TNXB: variants seen among roughly 807,000 people sequenced by gnomAD.
TNXB encodes the protein tenascin-X.
Under a neutral mutation model 340.5 loss-of-function variants are expected in TNXB, and 183 were observed. The ratio of observed to expected loss-of-function variants is 0.54; its 90% CI spans 0.48 to 0.61. The LOEUF (loss-of-function observed/expected upper bound fraction) is 0.61. Ranked by LOEUF, TNXB falls within the 20% of genes least tolerant of loss-of-function variation. The pLI is 0.00. For synonymous variants in TNXB, 2,121 were observed against 2,314.5 expected (o/e 0.92, Z 2.40); for missense variants, 4,613 against 5,446.4 (o/e 0.85, Z 4.82).
At chr6:32,077,843 A>G (rs1779164300) in intron 11 of TNXB, among the ~76,000 whole-genome samples, 1 of 152,168 alleles carries the variant, frequency 6.6e-6, no homozygotes, top group African/African-American at 2.4e-5. Flanking sequence ...CCTGGCTGAC[A>G]TGGTAAAACC....
rs1438679548 is a variant in TNXB at position 32,046,671 on chromosome 6, T to TCCTGC, written c.10325-220_10325-216dup. ...TCTGGAGGCTGCTGCCCAAACTCCT[T>TCCTGC]CCTGCCCCGCCCCTTCCCTGCTGTG... is the stretch of plus-strand genomic sequence containing the variant. On this transcript the variant is annotated intron_variant, in intron 30 of 43. Transcript: ENST00000644971. This position sits in a 1 kb window ranked among gnomAD's most constrained non-coding sequence, Gnocchi z 6.9. 1 of 474,066 alleles carries TCCTGC rather than the reference T, an allele frequency of 2.1e-6. No individual in the cohort carries two copies. Among genetic ancestry groups the TCCTGC allele is most frequent in the African/African-American group, 1.9e-5 (1 of 52,346 alleles). 29.4% of individuals were successfully genotyped at this position (474,066 alleles called of 1,614,324 possible). A position where few individuals can be genotyped will look rare whatever the true frequency, so the allele number is the denominator to read the frequency against.
Position 32,085,709 on chromosome 6 carries a change from C to T in TNXB, c.3148+41G>A, listed in dbSNP as rs1261301688. ...AGTCCCAATAACCCCAGCTCCTCCC[C>T]CAATCTCAGGATATTGATCTGAGCA... is the stretch of plus-strand genomic sequence containing the variant. On this transcript the variant is annotated intron_variant, in intron 7 of 43. Coordinates refer to ENST00000644971, the MANE Select transcript of TNXB (RefSeq NM_001365276.2). The surrounding 1 kb of genome is among the most constrained non-coding windows in gnomAD (Gnocchi z 6.4). The T allele has an allele frequency of 2.7e-6, 4 of 1,491,138 alleles. No homozygotes were observed. Among genetic ancestry groups the T allele is most frequent in the Non-Finnish European group, 3.6e-6 (4 of 1,120,518 alleles). The allele number at this position is 1,491,138 out of a possible 1,614,324, so 92.4% of individuals were successfully genotyped here. A position where few individuals can be genotyped will look rare whatever the true frequency, so the allele number is the denominator to read the frequency against.
Position 32,079,421 on chromosome 6 carries a change from G to A in TNXB, c.4043-56C>T. 3 of 1,407,994 alleles carry A rather than the reference G, an allele frequency of 2.1e-6. No individual in the cohort carries two copies. Among genetic ancestry groups the A allele is most frequent in the South Asian group, 2.7e-5 (2 of 74,834 alleles). The allele number at this position is 1,407,994 out of a possible 1,614,324, so 87.2% of individuals were successfully genotyped here. ...GCTGGCTTTGCTGCTGCTGCCCACA[G>A]ATGACAGCCATGGAAATGCCCTTAC... On this transcript the variant is annotated intron_variant, in intron 10 of 43. Coordinates refer to ENST00000644971, the MANE Select transcript of TNXB (RefSeq NM_001365276.2). This position sits in a 1 kb window ranked among gnomAD's most constrained non-coding sequence, Gnocchi z 7.1.
Position 32,062,986 on chromosome 6 carries a change from C to T in TNXB, c.6842-503G>A, listed in dbSNP as rs550092364. ...AGGAGAATGGCATGAACCCAGGAGGCGGAGCTTGCGGTGAGCCAAGATCAC... is the reference window on the plus strand; with the variant it reads ...AGGAGAATGGCATGAACCCAGGAGGTGGAGCTTGCGGTGAGCCAAGATCAC... On this transcript the variant is annotated intron_variant, in intron 19 of 43. Transcript: ENST00000644971. This position sits in a 1 kb window ranked among gnomAD's most constrained non-coding sequence, Gnocchi z 4.3. Among the ~76,000 whole-genome samples the T allele has an allele frequency of 2.6e-5, 4 of 152,142 alleles. No individual in the cohort carries two copies. In the South Asian group the frequency reaches 8.3e-4, roughly 32 times the overall value.
chr6:32,084,443 G>A lies in TNXB; in HGVS notation c.3415C>T (p.His1139Tyr). ...VLYGFVGKKR[H>Y]GPLVAEAKIL... ...TTGGCTTCAGCCACCAGCGGACCATGCCTCTTCTTGCCAACAAACCCATAC... is the reference window on the plus strand; with the variant it reads ...TTGGCTTCAGCCACCAGCGGACCATACCTCTTCTTGCCAACAAACCCATAC... The change falls in exon 8 of 44, where the codon CAT becomes TAT. Residue 1139 changes from histidine to tyrosine, a missense_variant. Around this residue, in one of 7 missense-constraint regions of TNXB, gnomAD observed 4,327 missense variants for 4,859.4 expected, o/e 0.89. Coordinates refer to ENST00000644971, the MANE Select transcript of TNXB (RefSeq NM_001365276.2). This position sits in a 1 kb window ranked among gnomAD's most constrained non-coding sequence, Gnocchi z 5.5. 1 of 1,596,968 alleles carries A rather than the reference G, an allele frequency of 6.3e-7. No homozygotes were observed. Among genetic ancestry groups the A allele is most frequent in the South Asian group, 1.1e-5 (1 of 89,486 alleles).
At position 32,073,666 on chromosome 6, in the gene TNXB, C is replaced by G. The variant is rs777892114; in HGVS notation, c.4662G>C (p.Leu1554=). The part of the protein sequence containing the change: ...GLHDGQRMGP[L]SVVIVTAPLP... ...ACTCACCCGTCACGATGACCACAGA[C>G]AGGGGGCCCATGCGTTGCCCATCAT... Residue 1554 remains leucine, a synonymous_variant, in exon 12 of 44, where the codon CTG becomes CTC. Transcript: ENST00000644971. The surrounding 1 kb of genome is among the most constrained non-coding windows in gnomAD (Gnocchi z 4.6). 39 of 1,608,416 alleles carry G rather than the reference C, an allele frequency of 2.4e-5. No homozygotes were observed. Among genetic ancestry groups the G allele is most frequent in the Non-Finnish European group, 3.2e-5 (38 of 1,177,728 alleles).
intron 23 of TNXB, 134 bp from the exon 24 acceptor site, chr6:32,056,308 G>A: frequency 8.0e-7 from 1 of 1,248,220 alleles, no homozygotes; most frequent in Non-Finnish European, 1.1e-6. Flanking sequence ...TTGGGGCTGG[G>A]TGGTCCTGCT....
intron 1 of TNXB, among the ~76,000 whole-genome samples, chr6:32,103,876 C>A (rs1780848925): frequency 6.6e-6 from 1 of 151,990 alleles, no homozygotes; most frequent in Admixed American, 6.6e-5. Context: ...GGACTACAGG[C>A]ACCCGCTACC....
chr6:32,103,196 G>A (rs1369087447), intron 1 of TNXB, among the ~76,000 whole-genome samples: 5 of 151,856 alleles, frequency 3.3e-5, no homozygotes, highest in East Asian at 1.9e-4. Flanking sequence ...CAAGGTAGGC[G>A]GATCACTTGA....
In TNXB at chr6:32,056,011, C is replaced by T. The variant is rs767611972; in HGVS notation, c.8307G>A (p.Gln2769=). ...PQGHFDSFTV[Q]YKDRDGRPQV... ...GGGGCCGCCCGTCCCTGTCCTTGTA[C>T]TGCACGGTGAAGGAGTCGAAGTGGC... Residue 2769 remains glutamine (Q), a synonymous_variant, in exon 24 of 44, where the codon CAG becomes CAA. Transcript: ENST00000644971. 2 of 1,613,266 alleles carry T rather than the reference C, an allele frequency of 1.2e-6. No individual in the cohort carries two copies. Among genetic ancestry groups the T allele is most frequent in the Non-Finnish European group, 1.7e-6 (2 of 1,179,898 alleles).
chr6:32,096,118 C>A lies in TNXB; in HGVS notation c.1735G>T (p.Gly579Cys). ...CLDGRCVCEDGYSGEDCGVRQ... is the reference protein window; with the variant it reads ...CLDGRCVCEDCYSGEDCGVRQ... ...ACACCGCAATCCTCGCCAGAGTAGC[C>A]GTCCTCGCACACACACCGCCCATCT... Residue 579 changes from glycine to cysteine, a missense_variant, in exon 3 of 44, where the codon GGC becomes TGC. By Grantham distance (159) the Gly-to-Cys change is radical. This residue lies in a region of TNXB where 4,327 missense variants were observed against 4,859.4 expected (regional missense o/e 0.89). Transcript: ENST00000644971. The A allele has an allele frequency of 1.2e-6, 2 of 1,605,018 alleles. No homozygotes were observed. The highest frequency in any genetic ancestry group is 2.2e-5 in the South Asian group (2 of 89,370).
chr6:32,089,445 A>G lies in TNXB; in HGVS notation c.2359-66T>C. 6.5e-7 allele frequency: 1 copy of G among 1,530,056 alleles called. No homozygotes were observed. Among genetic ancestry groups the G allele is most frequent in the Non-Finnish European group, 8.8e-7 (1 of 1,136,574 alleles). 94.8% of individuals were successfully genotyped at this position (1,530,056 alleles called of 1,614,324 possible). A position where few individuals can be genotyped will look rare whatever the true frequency, so the allele number is the denominator to read the frequency against. ...TTGCCTCTGCTGCTCAATCCCCCTT[A>G]TCTCTTCTTTCTCCAATTCTAAACA... On this transcript the variant is annotated intron_variant, in intron 4 of 43. Coordinates refer to ENST00000644971, the MANE Select transcript of TNXB (RefSeq NM_001365276.2). The surrounding 1 kb of genome is among the most constrained non-coding windows in gnomAD (Gnocchi z 6.2).
In TNXB at chr6:32,053,490, C is replaced by A. The variant is rs1056246867; in HGVS notation, c.8689G>T (p.Val2897Phe). 1 of 1,613,446 alleles carries A rather than the reference C, an allele frequency of 6.2e-7. No homozygotes were observed. Among genetic ancestry groups the A allele is most frequent in the Non-Finnish European group, 8.5e-7 (1 of 1,179,884 alleles). Reference sequence around the variant, plus strand: ...TCTGGCTCCAGGCCTGAGATGGTGACCCCGTCCTCGTGCCCCGGCACCCGC... The same window carrying A: ...TCTGGCTCCAGGCCTGAGATGGTGAACCCGTCCTCGTGCCCCGGCACCCGC... ...VVRVPGHEDG[V>F]TISGLEPDHK... The change falls in exon 25 of 44, where the codon GTC becomes TTC. Residue 2897 changes from valine (V) to phenylalanine (F), a missense_variant. This residue lies in a region of TNXB where 4,327 missense variants were observed against 4,859.4 expected (regional missense o/e 0.89). Transcript: ENST00000644971.
Position 32,047,662 on chromosome 6 carries a change from G to C in TNXB, c.10324+72C>G. On this transcript the variant is annotated intron_variant, in intron 30 of 43. Coordinates refer to ENST00000644971, the MANE Select transcript of TNXB (RefSeq NM_001365276.2). The surrounding 1 kb of genome is among the most constrained non-coding windows in gnomAD (Gnocchi z 6.2). ...CTGATAGAGGGAATCTCACGGGAAGGCTGCAGGGCCAGCTCTGAGGGCTCG... is the reference window on the plus strand; with the variant it reads ...CTGATAGAGGGAATCTCACGGGAAGCCTGCAGGGCCAGCTCTGAGGGCTCG... The C allele has an allele frequency of 1.3e-6, 2 of 1,487,166 alleles. No homozygotes were observed. The highest frequency in any genetic ancestry group is 1.4e-5 in the South Asian group (1 of 71,822). 92.1% of individuals were successfully genotyped at this position (1,487,166 alleles called of 1,614,324 possible).
At chr6:32,048,735 T>C (rs1201134465) in intron 28 of TNXB, 85 bp from the exon 29 acceptor site, 4 of 1,276,698 alleles carry the variant, frequency 3.1e-6, no homozygotes, top group Non-Finnish European at 4.0e-6. Flanking sequence ...GGAGTGAGCA[T>C]TTCTTAGCGG....
chr6:32,087,910 C>G lies in TNXB; in HGVS notation c.2779+875G>C. 1.7e-5 allele frequency: 3 copies of G among 172,848 alleles called. No homozygotes were observed. The highest frequency in any genetic ancestry group is 1.9e-4 in the South Asian group (2 of 10,412). 10.7% of individuals were successfully genotyped at this position (172,848 alleles called of 1,614,324 possible). The stretch of plus-strand genomic sequence containing the variant: ...CGAGGGCCAAGGGGGCCGTGGGGGC[C>G]GCGGGGCTGGGGCTGGCCGGGGCCG... On this transcript the variant is annotated intron_variant, in intron 6 of 43. Transcript: ENST00000644971. This position sits in a 1 kb window ranked among gnomAD's most constrained non-coding sequence, Gnocchi z 9.0.
chr6:32,058,011 A>C lies in TNXB; in HGVS notation c.7825+47T>G, dbSNP rs1156664945. The C allele has an allele frequency of 6.4e-7, 1 of 1,553,412 alleles. No individual in the cohort carries two copies. On this transcript the variant is annotated intron_variant, in intron 22 of 43. Coordinates refer to ENST00000644971, the MANE Select transcript of TNXB (RefSeq NM_001365276.2). This position sits in a 1 kb window ranked among gnomAD's most constrained non-coding sequence, Gnocchi z 5.1. ...ATAGGAAAATGGTAGAGAAGGGCAC[A>C]TTTTCTAGGGCTGTCTTCCAACCCT...
Position 32,081,244 on chromosome 6 carries a change from G to T in TNXB, c.4042+124C>A. The stretch of plus-strand genomic sequence containing the variant: ...CAGGAGAGCAGTGCGGGAGGAAGTG[G>T]GTGGAGGCTTTGGCAAAATGAGCTG... On this transcript the variant is annotated intron_variant, in intron 10 of 43. Transcript: ENST00000644971. This position sits in a 1 kb window ranked among gnomAD's most constrained non-coding sequence, Gnocchi z 5.1. 1.1e-6 allele frequency: 1 copy of T among 933,076 alleles called. No homozygotes were observed. The highest frequency in any genetic ancestry group is 1.6e-6 in the Non-Finnish European group (1 of 627,264). 57.8% of individuals were successfully genotyped at this position (933,076 alleles called of 1,614,324 possible).
Position 32,075,794 on chromosome 6 carries a change from A to G in TNXB, c.4376-1842T>C, listed in dbSNP as rs1366962912. Among the ~76,000 whole-genome samples, 14 of 152,352 alleles carry G rather than the reference A, an allele frequency of 9.2e-5. No homozygotes were observed. Among genetic ancestry groups the G allele is most frequent in the Admixed American group, 6.5e-4 (10 of 15,310 alleles). ...GATCCCCACCACTCCCGCATGAGGA[A>G]GCACTCATTAGTGAGCAAACTAGAA... On this transcript the variant is annotated intron_variant, in intron 11 of 43. Transcript: ENST00000644971. This position sits in a 1 kb window ranked among gnomAD's most constrained non-coding sequence, Gnocchi z 4.6.
Sources: gnomAD v4.1 joint callset for allele counts (sites outside exome capture counted in the v4.1 genomes callset) on GRCh38, gnomAD v4.1.1 for gene constraint, gnomAD v4.1.1 regional missense constraint, Gnocchi (gnomAD v3.1) non-coding constraint, MANE v1.5 for transcripts, NCBI Gene and HGNC (gene_info 2026-07-23, HGNC 2026-07-21) for gene names.